ACBD5: variants seen among roughly 807,000 people sequenced by gnomAD.
The protein encoded by ACBD5 is acyl-CoA binding domain containing 5.
In ACBD5, 40 loss-of-function variants were observed where a neutral mutation model predicts 71.8. The ratio of observed to expected loss-of-function variants is 0.56; its 90% CI spans 0.43 to 0.72. The LOEUF (loss-of-function observed/expected upper bound fraction) is 0.72. Ranked by LOEUF, ACBD5 falls within the 30% of genes least tolerant of loss-of-function variation. The pLI, the probability that ACBD5 is intolerant of heterozygous loss-of-function variation, is 0.00. For missense variants in ACBD5, 559 were observed against 644.5 expected (o/e 0.87, Z 1.44); for synonymous variants, 229 against 218.6 (o/e 1.05, Z -0.42).
In ACBD5 at chr10:27,205,225, C is replaced by A; in HGVS notation, c.1428G>T (p.Leu476Phe). The A allele has an allele frequency of 1.2e-6, 2 of 1,612,640 alleles. No individual in the cohort carries two copies. The highest frequency in any genetic ancestry group is 1.7e-5 in the Admixed American group (1 of 59,960). The change falls in exon 11 of 13, where the codon TTG becomes TTT. Residue 476 changes from leucine to phenylalanine, a missense_variant. Transcript: ENST00000396271. ...ALQAKSSTST[L>F]QTAPQPTSQR... The stretch of plus-strand genomic sequence containing the variant: ...GTGAGGTGGGCTGAGGAGCAGTCTG[C>A]AATGTTGATGTTGATGATTTTGCCT...
In ACBD5 at chr10:27,231,751, T is replaced by C; in HGVS notation, c.372A>G (p.Lys124=). 6.2e-7 allele frequency: 1 copy of C among 1,613,662 alleles called. No individual in the cohort carries two copies. ...AACTGTGAATTATTTTCCCTACCTT[T>C]TTCATTTCTTCAACATATGCAATCA... ...EAMIAYVEEM[K]KIIETMPMTE... The change falls in exon 4 of 13, where the codon AAA becomes AAG. Residue 124 remains lysine (K), a synonymous_variant. Transcript: ENST00000396271.
intron 13 of ACBD5, among the ~76,000 whole-genome samples, chr10:27,187,641 A>G (rs2058845152): frequency 6.6e-6 from 1 of 151,864 alleles, no homozygotes; most frequent in African/African-American, 2.4e-5. Flanking sequence ...AGTCCCAGCT[A>G]CTTGGGAGGC....
At chr10:27,203,134 T>C (rs1005448513) in intron 12 of ACBD5, among the ~76,000 whole-genome samples, 17 of 151,914 alleles carry the variant, frequency 1.1e-4, no homozygotes, top group African/African-American at 2.9e-4. Context: ...ACCACCAACC[T>C]GGCTAATTTT....
Position 27,205,191 on chromosome 10 carries a change from G to A in ACBD5, c.1455+7C>T. ...CTGGCATTTAAATTTTTTAAAAAATGTCTTACCTGTGAGGTGGGCTGAGGA... is the reference window on the plus strand; with the variant it reads ...CTGGCATTTAAATTTTTTAAAAAATATCTTACCTGTGAGGTGGGCTGAGGA... On this transcript the variant is annotated splice_region_variant and intron_variant, in intron 11 of 12. Coordinates refer to ENST00000396271, the MANE Select transcript of ACBD5 (RefSeq NM_145698.5). The A allele has an allele frequency of 1.9e-6, 3 of 1,610,646 alleles. No homozygotes were observed. The highest frequency in any genetic ancestry group is 1.1e-5 in the South Asian group (1 of 90,996).
At chr10:27,225,954 G>T (rs1025132411) in intron 4 of ACBD5, among the ~76,000 whole-genome samples, 3 of 151,880 alleles carry the variant, frequency 2.0e-5, no homozygotes, top group Admixed American at 2.0e-4. Flanking sequence ...TCGGCATTTG[G>T]GTTTCTCATG....
chr10:27,240,653 G>A lies in ACBD5; in HGVS notation c.15+21C>T, dbSNP rs2065381179. 2 of 1,550,846 alleles carry A rather than the reference G, an allele frequency of 1.3e-6. No homozygotes were observed. The highest frequency in any genetic ancestry group is 2.4e-5 in the South Asian group (2 of 84,048). On this transcript the variant is annotated intron_variant, in intron 1 of 12. Transcript: ENST00000396271. The surrounding 1 kb of genome is among the most constrained non-coding windows in gnomAD (Gnocchi z 4.1). ...GACTAAGGCCACGAATCCGGCCCGCGACGACAGCAAAACAACTCACCGAGA... is the reference window on the plus strand; with the variant it reads ...GACTAAGGCCACGAATCCGGCCCGCAACGACAGCAAAACAACTCACCGAGA...
chr10:27,234,729 C>A (rs545457070), intron 3 of ACBD5, among the ~76,000 whole-genome samples: 1 of 152,250 alleles, frequency 6.6e-6, no homozygotes, highest in South Asian at 2.1e-4. Flanking sequence ...CCCAGCAGTT[C>A]GAGACCAGCG....
chr10:27,215,275 G>A (rs887077921), intron 8 of ACBD5, among the ~76,000 whole-genome samples: 3 of 151,912 alleles, frequency 2.0e-5, no homozygotes, highest in Non-Finnish European at 4.4e-5. Context: ...CCCATCCCAC[G>A]TCTCCTAGAA....
Position 27,196,947 on chromosome 10 carries a change from C to T in ACBD5, c.*483G>A, listed in dbSNP as rs952047530. ...TGTGGTTTTCTACTACATGCCATGG[C>T]AACTCCGTGACTAAGATATAAAGTC... On this transcript the variant is annotated 3_prime_UTR_variant, in exon 13 of 13. Coordinates refer to ENST00000396271, the MANE Select transcript of ACBD5 (RefSeq NM_145698.5). The T allele has an allele frequency of 2.2e-6, 1 of 454,194 alleles. No homozygotes were observed. The highest frequency in any genetic ancestry group is 2.0e-5 in the African/African-American group (1 of 50,114). The allele number at this position is 454,194 out of a possible 1,614,324, so 28.1% of individuals were successfully genotyped here. A position where few individuals can be genotyped will look rare whatever the true frequency, so the allele number is the denominator to read the frequency against.
At chr10:27,229,770 G>A (rs1298047659) in intron 4 of ACBD5, among the ~76,000 whole-genome samples, 1 of 152,114 alleles carries the variant, frequency 6.6e-6, no homozygotes, top group African/African-American at 2.4e-5. Flanking sequence ...TTCAATTTAT[G>A]GATATCTTGA....
rs1045818667 is a variant in ACBD5 at position 27,197,335 on chromosome 10, C to A, written c.*95G>T. On this transcript the variant is annotated 3_prime_UTR_variant, in exon 13 of 13. Transcript: ENST00000396271. ...ACTGGACAACAAAAAGCAATGTAATCATCACAAACTAAGATTTTCTTGTGA... is the reference window on the plus strand; with the variant it reads ...ACTGGACAACAAAAAGCAATGTAATAATCACAAACTAAGATTTTCTTGTGA... The A allele has an allele frequency of 8.4e-7, 1 of 1,197,092 alleles. No individual in the cohort carries two copies. Among genetic ancestry groups the A allele is most frequent in the South Asian group, 1.3e-5 (1 of 79,992 alleles). 74.2% of individuals were successfully genotyped at this position (1,197,092 alleles called of 1,614,324 possible). A position where few individuals can be genotyped will look rare whatever the true frequency, so the allele number is the denominator to read the frequency against.
chr10:27,212,791 C>T (rs930467843), intron 8 of ACBD5, among the ~76,000 whole-genome samples: 66 of 152,242 alleles, frequency 4.3e-4, no homozygotes, highest in African/African-American at 1.5e-3. Flanking sequence ...TCAAGTGATC[C>T]ACCTGCCTCG....
intron 12 of ACBD5, among the ~76,000 whole-genome samples, chr10:27,201,127 C>G (rs2059885101): frequency 6.6e-6 from 1 of 152,194 alleles, no homozygotes; most frequent in Non-Finnish European, 1.5e-5. Flanking sequence ...TGTACCACTA[C>G]ACTGCAGCCC....
chr10:27,200,326 G>A (rs556506621), intron 12 of ACBD5, among the ~76,000 whole-genome samples: 87 of 152,320 alleles, frequency 5.7e-4, no homozygotes, highest in Non-Finnish European at 9.6e-4. Flanking sequence ...CCACGGCAAC[G>A]TCAGGAAGTT....
chr10:27,205,763 C>G (rs1247977681), intron 10 of ACBD5, among the ~76,000 whole-genome samples: 1 of 151,774 alleles, frequency 6.6e-6, no homozygotes, highest in African/African-American at 2.4e-5. Flanking sequence ...CTCCCGACCT[C>G]AGGTGATCCA....
rs1284257687 is a variant in ACBD5 at position 27,240,712 on chromosome 10, C to G, written c.-24G>C. 5.8e-6 allele frequency: 9 copies of G among 1,550,510 alleles called. No homozygotes were observed. The African/African-American group carries it at 1.1e-4, about 19-fold the overall frequency. On this transcript the variant is annotated 5_prime_UTR_variant, in exon 1 of 13. Transcript: ENST00000396271. The surrounding 1 kb of genome is among the most constrained non-coding windows in gnomAD (Gnocchi z 4.1). ...ATGTCTAGCAGAAGACAGAGGGGGT[C>G]CGGGCATCGGTGGCCGCGGAGCCGC... is the stretch of plus-strand genomic sequence containing the variant.
intron 3 of ACBD5, 72 bp downstream of exon 3, chr10:27,235,020 C>T: frequency 6.9e-7 from 1 of 1,454,776 alleles, no homozygotes; most frequent in Non-Finnish European, 9.6e-7. Flanking sequence ...TATATAACCA[C>T]TTAAGTAATA....
At chr10:27,212,579 C>CT (rs398045942) in intron 8 of ACBD5, among the ~76,000 whole-genome samples, 33,666 of 132,604 alleles carry the variant, frequency 0.25, 4,786 homozygotes, top group South Asian at 0.44. Flanking sequence ...ATTTATGCTG[C>CT]TTTTTTTTTT....
At chr10:27,192,666 T>C (rs2059126854), downstream of ACBD5, among the ~76,000 whole-genome samples, 2 of 152,232 alleles carry the variant, frequency 1.3e-5, no homozygotes, top group African/African-American at 4.8e-5. Flanking sequence ...CCTGATTTTA[T>C]GTAGGTATAA....
Sources: gnomAD v4.1 joint callset for allele counts (sites outside exome capture counted in the v4.1 genomes callset) on GRCh38, gnomAD v4.1.1 for gene constraint, Gnocchi (gnomAD v3.1) non-coding constraint, MANE v1.5 for transcripts, NCBI Gene and HGNC (gene_info 2026-07-23, HGNC 2026-07-21) for gene names.